Variants in CACNG3 observed in about 807,000 individuals in gnomAD.
The protein encoded by CACNG3 is voltage-dependent calcium channel gamma-3 subunit.
A neutral mutation model predicts 28.5 loss-of-function variants in CACNG3; 3 were observed. The observed-to-expected ratio is 0.11, with a 90% confidence interval of 0.05 to 0.27. The LOEUF is 0.27. CACNG3 is among the 10% of genes least tolerant of loss of function. The probability of loss-of-function intolerance (pLI) is 1.00; values close to 1 mark genes in which losing one functional copy is unlikely to be tolerated. For missense variants in CACNG3, 236 were observed against 414.4 expected, an observed-to-expected ratio of 0.57 and a Z score of 3.74; for synonymous variants, 174 against 162.2, an observed-to-expected ratio of 1.07 and a Z score of -0.55.
At chr16:24,293,967 C>A (rs2141356654) in intron 1 of CACNG3, among the ~76,000 whole-genome samples, 1 of 152,286 alleles carries the variant, frequency 6.6e-6, no homozygotes, top group African/African-American at 2.4e-5. Flanking sequence ...AGTCCCCTTG[C>A]TTTTCGTCCC....
rs112226778 is a variant in CACNG3, at chr16:24,335,421, A to AATAC, written c.212-11289_212-11286dup. On this transcript the variant is annotated intron_variant, in intron 1 of 3. Transcript: ENST00000005284. ...GATAACAGAGCAAGACTCCATCTCA[A>AATAC]ATACATACATACATACATACATACA... Among the ~76,000 whole-genome samples, 373 of 152,186 alleles carry AATAC rather than the reference A, an allele frequency of 2.5e-3. 1 individual carries two copies. The highest frequency in any genetic ancestry group is 5.0e-3 in the African/African-American group (209 of 41,536).
chr16:24,306,657 C>A (rs913310946), intron 1 of CACNG3, among the ~76,000 whole-genome samples: 1 of 152,198 alleles, frequency 6.6e-6, no homozygotes, highest in African/African-American at 2.4e-5. Flanking sequence ...CCAACACATA[C>A]ACACACCCTA....
intron 1 of CACNG3, among the ~76,000 whole-genome samples, chr16:24,317,972 C>T (rs909969588): frequency 2.0e-5 from 3 of 152,198 alleles, no homozygotes; most frequent in African/African-American, 7.2e-5. Flanking sequence ...AATGTGGCTG[C>T]TCATGCTTGG....
At chr16:24,260,976 A>G (rs1488181593) in intron 1 of CACNG3, among the ~76,000 whole-genome samples, 2 of 152,232 alleles carry the variant, frequency 1.3e-5, no homozygotes, top group Non-Finnish European at 2.9e-5. Context: ...CAATCAAAGC[A>G]ATGTATTTAG....
rs547138863 is a variant in CACNG3 at position 24,290,011 on chromosome 16, C to T, written c.211+33046C>T. On this transcript the variant is annotated intron_variant, in intron 1 of 3. Coordinates refer to ENST00000005284, the MANE Select transcript of CACNG3 (RefSeq NM_006539.4). ...AGTCCTGGAGTATTACAGAGGCTTG[C>T]GCCCTAGCAGGGCAGGCATAAGGTT... Among the ~76,000 whole-genome samples, 185 of 152,346 alleles carry T rather than the reference C, an allele frequency of 1.2e-3. 2 individuals carry two copies. Among genetic ancestry groups the T allele is most frequent in the South Asian group, 7.1e-3 (34 of 4,822 alleles).
intron 1 of CACNG3, among the ~76,000 whole-genome samples, chr16:24,299,974 T>A (rs1054117433): frequency 6.6e-5 from 10 of 152,060 alleles, no homozygotes; most frequent in African/African-American, 2.4e-4. Flanking sequence ...GATAGAATGA[T>A]GTATTTTAAC....
At chr16:24,285,013 C>CAA (rs370618917) in intron 1 of CACNG3, among the ~76,000 whole-genome samples, 4 of 94,758 alleles carry the variant, frequency 4.2e-5, no homozygotes, top group East Asian at 2.8e-4. Context: ...GGATTCCCAT[C>CAA]AAAAAAAAAA....
chr16:24,270,666 C>T (rs1898675382), intron 1 of CACNG3, among the ~76,000 whole-genome samples: 1 of 152,150 alleles, frequency 6.6e-6, no homozygotes, highest in Non-Finnish European at 1.5e-5. Flanking sequence ...GATGATTTTC[C>T]AGTTAGAATC....
intron 1 of CACNG3, among the ~76,000 whole-genome samples, chr16:24,276,814 C>CA (rs1415016534): frequency 6.6e-5 from 10 of 152,194 alleles, no homozygotes; most frequent in African/African-American, 2.4e-4. Context: ...CACCACTCCA[C>CA]AAAAAGTTGA....
At chr16:24,339,141 C>T (rs1487795736) in intron 1 of CACNG3, among the ~76,000 whole-genome samples, 1 of 152,128 alleles carries the variant, frequency 6.6e-6, no homozygotes, top group Non-Finnish European at 1.5e-5. Context: ...CTATGTACAT[C>T]TATTCTTTTT....
intron 1 of CACNG3, among the ~76,000 whole-genome samples, chr16:24,331,453 C>T (rs572488518): frequency 6.6e-6 from 1 of 152,296 alleles, no homozygotes; most frequent in East Asian, 1.9e-4. Context: ...CTGGCTTGAT[C>T]ACTGTTCCAC....
intron 2 of CACNG3, among the ~76,000 whole-genome samples, chr16:24,352,268 T>C (rs1029456945): frequency 2.0e-5 from 3 of 152,142 alleles, no homozygotes; most frequent in African/African-American, 7.2e-5. Context: ...CAATGTGAAC[T>C]AAGCTTTGAA....
intron 1 of CACNG3, among the ~76,000 whole-genome samples, chr16:24,275,053 CTA>C (rs1898736024): frequency 6.6e-6 from 1 of 152,076 alleles, no homozygotes; most frequent in African/African-American, 2.4e-5. Flanking sequence ...AAGGTTGAAA[CTA>C]TTTCAGAATA....
chr16:24,313,267 C>T (rs190816593), intron 1 of CACNG3, among the ~76,000 whole-genome samples: 1 of 152,166 alleles, frequency 6.6e-6, no homozygotes, highest in Non-Finnish European at 1.5e-5. Context: ...AAACAACCCT[C>T]TGAGATAAAT....
intron 1 of CACNG3, among the ~76,000 whole-genome samples, chr16:24,309,773 G>T (rs1280130851): frequency 6.6e-6 from 1 of 152,178 alleles, no homozygotes; most frequent in Non-Finnish European, 1.5e-5. Context: ...ACCTGAGTGG[G>T]AATACAGAGG....
intron 1 of CACNG3, among the ~76,000 whole-genome samples, chr16:24,301,247 A>T (rs1260808023): frequency 6.6e-6 from 1 of 150,768 alleles, no homozygotes; most frequent in African/African-American, 2.4e-5. Flanking sequence ...TTATATGGGG[A>T]TCCATGAATA....
chr16:24,258,599 G>A lies in CACNG3; in HGVS notation c.211+1634G>A, dbSNP rs554237324. ...ACAATGACAAAAGTTGGATATTTGTGAGCATTTGTGATTGGGTATGGTGAA... is the reference window on the plus strand; with the variant it reads ...ACAATGACAAAAGTTGGATATTTGTAAGCATTTGTGATTGGGTATGGTGAA... On this transcript the variant is annotated intron_variant, in intron 1 of 3. Transcript: ENST00000005284. 5.3e-5 allele frequency among the ~76,000 whole-genome samples: 8 copies of A among 152,290 alleles called. No individual in the cohort carries two copies. In the South Asian group the frequency reaches 1.7e-3, roughly 32 times the overall value.
Position 24,328,860 on chromosome 16 carries a change from G to A in CACNG3, c.212-17874G>A, listed in dbSNP as rs139173500. On this transcript the variant is annotated intron_variant, in intron 1 of 3. Coordinates refer to ENST00000005284, the MANE Select transcript of CACNG3 (RefSeq NM_006539.4). The stretch of plus-strand genomic sequence containing the variant: ...CCTTGCTCTTCCAAAATGCGTCTGC[G>A]TCCACCTCTGATAACCTGGGATGCC... Among the ~76,000 whole-genome samples the A allele has an allele frequency of 1.8e-4, 27 of 152,218 alleles. No homozygotes were observed. The East Asian group carries it at 3.7e-3, about 21-fold the overall frequency.
intron 2 of CACNG3, 151 bp from the exon 3 acceptor site, chr16:24,354,682 A>G: frequency 1.4e-6 from 1 of 709,490 alleles, no homozygotes; most frequent in Non-Finnish European, 2.4e-6. Context: ...TTCTAAGCAC[A>G]GGCCCTGAGC....
Sources: allele counts gnomAD v4.1 joint callset (sites outside exome capture counted in the v4.1 genomes callset), GRCh38; gene constraint gnomAD v4.1.1; transcripts MANE v1.5; gene names NCBI Gene and HGNC (gene_info 2026-07-23, HGNC 2026-07-21).